The following CSMD2 variants were observed in gnomAD, a reference collection of about 807,000 sequenced individuals.
CSMD2 encodes the protein CUB and sushi domain-containing protein 2.
CSMD2 carries 130 observed loss-of-function variants against 398.5 expected under a neutral mutation model. That is an observed-to-expected ratio of 0.33 (90% CI 0.28 to 0.38). CSMD2 has a LOEUF of 0.38. Among genes scored for constraint, CSMD2 ranks in the 10% least tolerant of loss-of-function variants. The pLI, the probability that CSMD2 is intolerant of heterozygous loss-of-function variation, is 1.00. For missense variants in CSMD2, 3,829 were observed against 4,764.9 expected (o/e 0.80, Z 5.78); for synonymous variants, 1,828 against 1,908.5 (o/e 0.96, Z 1.10).
rs1351651307 is a variant in CSMD2, at chr1:33,662,900, A to C, written c.4245T>G (p.Ile1415Met). 6.2e-7 allele frequency: 1 copy of C among 1,614,148 alleles called. No homozygotes were observed. Among genetic ancestry groups the C allele is most frequent in the East Asian group, 2.2e-5 (1 of 44,872 alleles). The change falls in exon 26 of 71, where the codon ATT (isoleucine) becomes ATG (methionine). Residue 1415 changes from isoleucine (I) to methionine (M), a missense_variant. Ile to Met is a conservative substitution (Grantham distance 10). Transcript: ENST00000373381. ...DFFTSKQGFAIQFSVSTATSC... is the reference protein window; with the variant it reads ...DFFTSKQGFAMQFSVSTATSC... ...AGGGCACGCACAGACCTGAAAATTG[A>C]ATGGCAAAGCCCTGCTTGCTGGTGA...
chr1:34,011,287 T>A (rs1230845155), intron 3 of CSMD2, among the ~76,000 whole-genome samples: 1 of 152,178 alleles, frequency 6.6e-6, no homozygotes, highest in African/African-American at 2.4e-5. Flanking sequence ...AATAACTCTT[T>A]CTAATAACTT....
chr1:33,592,468 G>A, intron 44 of CSMD2: 1 of 716,972 alleles, frequency 1.4e-6, no homozygotes, highest in South Asian at 1.5e-5. Flanking sequence ...GTGTCACAAT[G>A]TACAAACAGC....
chr1:33,784,824 C>G (rs188853821), intron 12 of CSMD2, among the ~76,000 whole-genome samples: 3 of 152,326 alleles, frequency 2.0e-5, no homozygotes, highest in Admixed American at 1.3e-4. Flanking sequence ...GCTTTGAGAT[C>G]TCATTTCACT....
In CSMD2 at chr1:33,806,942, A is replaced by G. The variant is rs138027795; in HGVS notation, c.1446+3801T>C. 4.4e-3 allele frequency among the ~76,000 whole-genome samples: 663 copies of G among 152,332 alleles called. 3 individuals are homozygous for G. The highest frequency in any genetic ancestry group is 7.1e-3 in the Non-Finnish European group (482 of 68,028). On this transcript the variant is annotated intron_variant, in intron 10 of 70. Coordinates refer to ENST00000373381, the MANE Select transcript of CSMD2 (RefSeq NM_001281956.2). ...TAGAAGAAGAAAAAAGAAGCATTTG[A>G]AAAGATAATGGGTAAACATTTTCCC...
chr1:33,558,850 G>A (rs1256311032), intron 54 of CSMD2, among the ~76,000 whole-genome samples: 1 of 151,690 alleles, frequency 6.6e-6, no homozygotes, highest in Non-Finnish European at 1.5e-5. Flanking sequence ...CAAGAATGGG[G>A]ATCTCTTAAG....
chr1:33,927,881 G>A (rs888438375), intron 4 of CSMD2, among the ~76,000 whole-genome samples: 1 of 152,178 alleles, frequency 6.6e-6, no homozygotes, highest in African/African-American at 2.4e-5. Context: ...TTCATAGGAT[G>A]GAAAAGTAGT....
intron 12 of CSMD2, among the ~76,000 whole-genome samples, chr1:33,774,351 C>T (rs1389894866): frequency 6.6e-6 from 1 of 152,094 alleles, no homozygotes; most frequent in Non-Finnish European, 1.5e-5. Flanking sequence ...TGCTCAGGCT[C>T]AGGGATGGGG....
At chr1:34,144,949 A>G (rs967381140) in intron 1 of CSMD2, among the ~76,000 whole-genome samples, 6 of 152,240 alleles carry the variant, frequency 3.9e-5, no homozygotes, top group Admixed American at 6.5e-5. Context: ...ACTATTCCCA[A>G]TCAGTGAGGT....
At chr1:34,030,270 C>T (rs1019428086) in intron 3 of CSMD2, among the ~76,000 whole-genome samples, 2 of 152,162 alleles carry the variant, frequency 1.3e-5, no homozygotes, top group Non-Finnish European at 2.9e-5. Context: ...AATACAGCTG[C>T]AGACCAGGGG....
chr1:33,551,363 A>T (rs890665874), intron 55 of CSMD2, among the ~76,000 whole-genome samples: 1 of 152,246 alleles, frequency 6.6e-6, no homozygotes, highest in African/African-American at 2.4e-5. Context: ...TTTTAACAAG[A>T]TTATACTGGC....
chr1:34,088,400 T>TC (rs756419362), intron 2 of CSMD2, among the ~76,000 whole-genome samples: 3 of 152,094 alleles, frequency 2.0e-5, no homozygotes, highest in Non-Finnish European at 4.4e-5. Flanking sequence ...TCCTCCCATC[T>TC]CCCTCCTGTA....
At chr1:34,055,147 A>G (rs1053333551) in intron 2 of CSMD2, among the ~76,000 whole-genome samples, 1 of 152,032 alleles carries the variant, frequency 6.6e-6, no homozygotes, top group Non-Finnish European at 1.5e-5. Flanking sequence ...TCTCTCCCCA[A>G]ACAACAATAA....
At chr1:33,924,131 T>C (rs565684322) in intron 4 of CSMD2, among the ~76,000 whole-genome samples, 1 of 152,266 alleles carries the variant, frequency 6.6e-6, no homozygotes, top group African/African-American at 2.4e-5. Context: ...TGTCTTTCTC[T>C]GCCTGGTTTA....
chr1:33,682,207 C>T (rs551937516), intron 25 of CSMD2, among the ~76,000 whole-genome samples: 3 of 152,298 alleles, frequency 2.0e-5, no homozygotes, highest in South Asian at 4.1e-4. Flanking sequence ...TTCTCCTCTA[C>T]GTGTATAAAA....
At chr1:33,842,366 C>T (rs1324344379) in intron 6 of CSMD2, among the ~76,000 whole-genome samples, 5 of 152,296 alleles carry the variant, frequency 3.3e-5, no homozygotes, top group Non-Finnish European at 7.4e-5. Flanking sequence ...CTTCCTAAAA[C>T]GAAAATGTGA....
At chr1:33,818,287 T>C (rs71647948) in intron 9 of CSMD2, among the ~76,000 whole-genome samples, 1 of 152,320 alleles carries the variant, frequency 6.6e-6, no homozygotes, top group Admixed American at 6.5e-5. Context: ...AGTCATTCAT[T>C]CCGTCATCCA....
At chr1:33,670,808 C>T (rs980293670) in intron 25 of CSMD2, among the ~76,000 whole-genome samples, 11 of 152,238 alleles carry the variant, frequency 7.2e-5, no homozygotes, top group South Asian at 2.1e-4. Flanking sequence ...CATGCTTCCA[C>T]CCCTGCATGT....
intron 1 of CSMD2, among the ~76,000 whole-genome samples, chr1:34,145,548 G>A (rs1368689946): frequency 2.6e-5 from 4 of 152,206 alleles, no homozygotes; most frequent in African/African-American, 9.6e-5. Flanking sequence ...ATCTGTACCA[G>A]CAGACCTGAA....
chr1:33,865,464 A>G lies in CSMD2; in HGVS notation c.921-18468T>C, dbSNP rs1325834770. Among the ~76,000 whole-genome samples, 13 of 150,738 alleles carry G rather than the reference A, an allele frequency of 8.6e-5. No individual in the cohort carries two copies. In the South Asian group the frequency reaches 2.5e-3, roughly 29 times the overall value. On this transcript the variant is annotated intron_variant, in intron 5 of 70. Transcript: ENST00000373381. The stretch of plus-strand genomic sequence containing the variant: ...CAATCGTTTTTCAGTGGATAGATGT[A>G]TAATATGTGGCCTCCACTCCTCTTC...
Sources: gnomAD v4.1 joint callset for allele counts (sites outside exome capture counted in the v4.1 genomes callset) on GRCh38, gnomAD v4.1.1 for gene constraint, MANE v1.5 for transcripts, NCBI Gene and HGNC (gene_info 2026-07-23, HGNC 2026-07-21) for gene names.